Variants in GPC4 observed in about 807,000 individuals in gnomAD.
GPC4 encodes glypican 4, also known as glypican-4.
In GPC4, 10 loss-of-function variants were observed where a neutral mutation model predicts 35.0. The ratio of observed to expected loss-of-function variants is 0.29; its 90% CI spans 0.18 to 0.48. The LOEUF (loss-of-function observed/expected upper bound fraction) is 0.48. GPC4 is among the 20% of genes least tolerant of loss of function. The probability of loss-of-function intolerance (pLI) is 0.99; values close to 1 mark genes in which losing one functional copy is unlikely to be tolerated. For synonymous variants in GPC4, 167 were observed against 170.2 expected (o/e 0.98, Z 0.15); for missense variants, 322 against 451.3 (o/e 0.71, Z 2.60).
intron 3 of GPC4, among the ~76,000 whole-genome samples, chrX:133,320,705 T>G (rs2068361257): frequency 2.8e-5 from 3 of 107,850 alleles, no homozygotes; most frequent in Non-Finnish European, 5.8e-5. Context: ...TTTTTTTCTA[T>G]TAAGAAAAAT....
intron 1 of GPC4, among the ~76,000 whole-genome samples, chrX:133,359,965 A>G (rs1371313748): frequency 9.0e-6 from 1 of 110,850 alleles, no homozygotes; most frequent in East Asian, 2.9e-4. Flanking sequence ...TAATTTCCAT[A>G]ATCAAGCAGG....
intron 3 of GPC4, 116 bp downstream of exon 3, chrX:133,324,029 G>A (rs1035265903): frequency 2.7e-6 from 2 of 745,224 alleles, no homozygotes; most frequent in African/African-American, 2.2e-5. Context: ...AGGAAGAAAA[G>A]GCTGCCATTG....
At chrX:133,311,649 A>T in intron 3 of GPC4, 1 of 420,815 alleles carries the variant, frequency 2.4e-6, no homozygotes, top group East Asian at 4.0e-5. Context: ...AGGTGCACCA[A>T]CTCCCACCCT....
chrX:133,354,552 A>ATTTTT (rs1569348984), intron 1 of GPC4, among the ~76,000 whole-genome samples: 1 of 89,045 alleles, frequency 1.1e-5, no homozygotes, highest in African/African-American at 5.5e-5. Context: ...TTATTTATTT[A>ATTTTT]TTTATTTATT....
intron 3 of GPC4, among the ~76,000 whole-genome samples, chrX:133,317,277 C>T (rs772264885): frequency 3.6e-5 from 4 of 111,026 alleles, no homozygotes; most frequent in Non-Finnish European, 7.6e-5. Context: ...GGGGAAGATG[C>T]CTCATTTCCT....
Position 133,302,663 on chromosome X carries a change from C to T in GPC4, c.*204G>A. ...CCACGTTTAACATGGTTTGGGGGAG[C>T]AGGAACCAACTCAATGCACAGTCCC... On this transcript the variant is annotated 3_prime_UTR_variant, in exon 9 of 9. Coordinates refer to ENST00000370828, the MANE Select transcript of GPC4 (RefSeq NM_001448.3). The T allele has an allele frequency of 2.3e-6, 1 of 429,763 alleles. No individual in the cohort carries two copies. Among genetic ancestry groups the T allele is most frequent in the Non-Finnish European group, 4.0e-6 (1 of 248,089 alleles). The allele number at this position is 429,763 out of a possible 1,213,427, so 35.4% of individuals were successfully genotyped here.
rs2068714144 is a variant in GPC4 at position 133,390,435 on chromosome X, C to G, written c.160+24371G>C. ...CACCACAGCCATAGGAGAAGCCCTCCCCTCACAGCTTTATGTATACTGACT... is the reference window on the plus strand; with the variant it reads ...CACCACAGCCATAGGAGAAGCCCTCGCCTCACAGCTTTATGTATACTGACT... On this transcript the variant is annotated intron_variant, in intron 1 of 8. Coordinates refer to ENST00000370828, the MANE Select transcript of GPC4 (RefSeq NM_001448.3). 2.7e-5 allele frequency among the ~76,000 whole-genome samples: 3 copies of G among 111,809 alleles called. No homozygotes were observed. The Admixed American group carries it at 2.9e-4, about 11-fold the overall frequency.
chrX:133,382,883 C>T (rs765237716), intron 1 of GPC4, among the ~76,000 whole-genome samples: 1 of 112,566 alleles, frequency 8.9e-6, no homozygotes, highest in East Asian at 2.8e-4. Context: ...AACAGTGAGG[C>T]ATGTAATGGT....
chrX:133,338,437 G>A (rs2068453478), intron 2 of GPC4, among the ~76,000 whole-genome samples: 1 of 111,786 alleles, frequency 8.9e-6, no homozygotes, highest in Non-Finnish European at 1.9e-5. Flanking sequence ...GAGGTGTTTT[G>A]GACTCCATAT....
intron 4 of GPC4, among the ~76,000 whole-genome samples, chrX:133,306,550 C>T (rs1212851051): frequency 1.8e-5 from 2 of 111,577 alleles, no homozygotes; most frequent in East Asian, 2.8e-4. Flanking sequence ...AGGATCTTCT[C>T]GTTTCACATT....
At chrX:133,353,257 T>C (rs1370601254) in intron 1 of GPC4, among the ~76,000 whole-genome samples, 3 of 111,664 alleles carry the variant, frequency 2.7e-5, no homozygotes, top group Non-Finnish European at 3.8e-5. Context: ...TTGCTTTGGG[T>C]ATGAATGAAA....
At chrX:133,377,141 A>G (rs770847114) in intron 1 of GPC4, among the ~76,000 whole-genome samples, 2 of 111,749 alleles carry the variant, frequency 1.8e-5, no homozygotes, top group East Asian at 2.8e-4. Flanking sequence ...TTAGGGAAAG[A>G]GAGAGGAAAA....
intron 1 of GPC4, among the ~76,000 whole-genome samples, chrX:133,407,692 C>T (rs2068795477): frequency 8.9e-6 from 1 of 112,320 alleles, no homozygotes; most frequent in South Asian, 3.7e-4. Context: ...TCTCTGTCAG[C>T]CCACTTAATT....
At chrX:133,400,444 A>C (rs2068763691) in intron 1 of GPC4, among the ~76,000 whole-genome samples, 1 of 112,818 alleles carries the variant, frequency 8.9e-6, no homozygotes, top group Non-Finnish European at 1.9e-5. Flanking sequence ...AACTGTAACT[A>C]ATTACCAATT....
At chrX:133,412,486 G>T (rs146315527) in intron 1 of GPC4, among the ~76,000 whole-genome samples, 7 of 111,817 alleles carry the variant, frequency 6.3e-5, no homozygotes, top group Admixed American at 1.9e-4. Context: ...GGTCTTCCAA[G>T]GATTCCAGCT....
At chrX:133,394,848 A>G (rs1391940977) in intron 1 of GPC4, among the ~76,000 whole-genome samples, 1 of 112,037 alleles carries the variant, frequency 8.9e-6, no homozygotes, top group Non-Finnish European at 1.9e-5. Context: ...TTCTATTGGA[A>G]GATCAGTAGA....
intron 1 of GPC4, among the ~76,000 whole-genome samples, chrX:133,363,632 C>T (rs996207869): frequency 1.8e-5 from 2 of 111,297 alleles, no homozygotes; most frequent in African/African-American, 6.5e-5. Flanking sequence ...GGGCATGTTG[C>T]TTGCTCCCCT....
intron 1 of GPC4, among the ~76,000 whole-genome samples, chrX:133,405,613 CCT>C (rs765366128): frequency 8.9e-6 from 1 of 111,809 alleles, no homozygotes; most frequent in African/African-American, 3.2e-5. Context: ...CTCCAACTGT[CCT>C]CTCTCACTTC....
Position 133,306,804 on chromosome X carries a change from C to CT in GPC4, c.878-651dup, listed in dbSNP as rs1157430773. ...CAATTTATCTTAAGGCATGTACCTC[C>CT]TTTTTTTTGCAAGTGAGAAGATGAC... On this transcript the variant is annotated intron_variant, in intron 4 of 8. Transcript: ENST00000370828. Among the ~76,000 whole-genome samples the CT allele has an allele frequency of 3.6e-5, 4 of 111,108 alleles. 1 individual carries two copies. Among genetic ancestry groups the CT allele is most frequent in the African/African-American group, 9.8e-5 (3 of 30,576 alleles).
Sources: allele counts gnomAD v4.1 joint callset (sites outside exome capture counted in the v4.1 genomes callset), GRCh38; gene constraint gnomAD v4.1.1; transcripts MANE v1.5; gene names NCBI Gene and HGNC (gene_info 2026-07-23, HGNC 2026-07-21).